Variants in BPIFB6 observed in about 807,000 individuals in gnomAD.
BPIFB6 encodes the protein BPI fold-containing family B member 6.
A neutral mutation model predicts 54.7 loss-of-function variants in BPIFB6; 47 were observed. The ratio of observed to expected loss-of-function variants is 0.86; its 90% confidence interval spans 0.68 to 1.10. BPIFB6 has a LOEUF of 1.10. BPIFB6 is among the 50% of genes least tolerant of loss of function. The probability of loss-of-function intolerance (pLI) is 0.00; values close to 1 mark genes in which losing one functional copy is unlikely to be tolerated. For missense variants in BPIFB6, 603 were observed against 564.1 expected (o/e 1.07, Z -0.70); for synonymous variants, 255 against 225.9 (o/e 1.13, Z -1.16).
chr20:33,036,495 G>C lies in BPIFB6; in HGVS notation c.628G>C (p.Ala210Pro), dbSNP rs145056603. 6.2e-7 allele frequency: 1 copy of C among 1,614,108 alleles called. No homozygotes were observed. The highest frequency in any genetic ancestry group is 8.5e-7 in the Non-Finnish European group (1 of 1,180,010). The change falls in exon 7 of 15, where the codon GCA becomes CCA. Residue 210 changes from alanine (A) to proline (P), a missense_variant. Transcript: ENST00000349552. ...MGTVKYVLMSAPATTASYIQL... is the reference protein window; with the variant it reads ...MGTVKYVLMSPPATTASYIQL... Reference sequence around the variant, plus strand: ...CACCGTCAAATATGTTCTGATGTCCGCACCAGCCACCACAGCCAGCTACAT... The same window carrying C: ...CACCGTCAAATATGTTCTGATGTCCCCACCAGCCACCACAGCCAGCTACAT...
At chr20:33,035,927 T>TTC (rs1290995517) in intron 6 of BPIFB6, among the ~76,000 whole-genome samples, 1 of 152,148 alleles carries the variant, frequency 6.6e-6, no homozygotes, top group Non-Finnish European at 1.5e-5. Context: ...ACAGCAGCCC[T>TTC]TCTTTGCTCG....
At chr20:33,040,827 G>A (rs1195014086) in intron 11 of BPIFB6, among the ~76,000 whole-genome samples, 3 of 152,030 alleles carry the variant, frequency 2.0e-5, no homozygotes, top group East Asian at 1.9e-4. Flanking sequence ...CTTAACATTC[G>A]GTCCCTATTA....
chr20:33,033,480 C>G (rs1168431826), intron 2 of BPIFB6: 3 of 454,066 alleles, frequency 6.6e-6, no homozygotes, highest in Non-Finnish European at 1.3e-5. Context: ...GCCAGTGCCA[C>G]ATGAGATTGA....
In BPIFB6 at chr20:33,043,346, G is replaced by T. The variant is rs757142770; in HGVS notation, c.1308G>T (p.Leu436=). Residue 436 remains leucine (L), a synonymous_variant, in exon 14 of 15, where the codon CTG becomes CTT. Transcript: ENST00000349552. The part of the protein sequence containing the change: ...LPDFLAMNYN[L]AELDIVENAL... ...ACTTTCTGGCCATGAATTACAACCTGGCTGAGCTGGACATAGTAGAGGTGA... is the reference window on the plus strand; with the variant it reads ...ACTTTCTGGCCATGAATTACAACCTTGCTGAGCTGGACATAGTAGAGGTGA... The T allele has an allele frequency of 2.4e-5, 39 of 1,614,080 alleles. No individual in the cohort carries two copies. Among genetic ancestry groups the T allele is most frequent in the Middle Eastern group, 3.3e-4 (2 of 6,084 alleles).
intron 2 of BPIFB6, 131 bp from the exon 3 acceptor site, chr20:33,034,055 T>C: frequency 1.4e-6 from 1 of 728,520 alleles, no homozygotes; most frequent in South Asian, 1.5e-5. Flanking sequence ...CCATGAATCA[T>C]GCTTACCCCC....
chr20:33,041,038 G>A (rs910420556), intron 11 of BPIFB6, among the ~76,000 whole-genome samples: 5 of 145,144 alleles, frequency 3.4e-5, no homozygotes, highest in Non-Finnish European at 7.4e-5. Context: ...TGCCCAGGCT[G>A]GAGTGCAGTG....
chr20:33,043,475 A>T, intron 14 of BPIFB6, 108 bp downstream of exon 14: 1 of 1,031,792 alleles, frequency 9.7e-7, no homozygotes, highest in Non-Finnish European at 1.5e-6. Flanking sequence ...CTGGGAGGGC[A>T]GGTGGCCATC....
chr20:33,042,313 C>G (rs2070320), intron 12 of BPIFB6, among the ~76,000 whole-genome samples: 53,639 of 152,090 alleles, frequency 0.35, 10,386 homozygotes, highest in East Asian at 0.74. Context: ...TTTTATTAGT[C>G]TCTGTAGCCT....
At chr20:33,038,770 A>G (rs1227610761) in intron 8 of BPIFB6, 139 bp from the exon 9 acceptor site, 8 of 829,956 alleles carry the variant, frequency 9.6e-6, no homozygotes, top group Non-Finnish European at 1.4e-5. Context: ...AGAAGGCACA[A>G]TATTTAGTTA....
chr20:33,043,996 C>T lies in BPIFB6; in HGVS notation c.1330-19C>T. 1 of 1,614,158 alleles carries T rather than the reference C, an allele frequency of 6.2e-7. No homozygotes were observed. The highest frequency in any genetic ancestry group is 8.5e-7 in the Non-Finnish European group (1 of 1,180,006). ...GTGGTCCCTGGTCATTGCTCTCCTA[C>T]CCCTTTGCCTTTTGCCAGAATGCCC... On this transcript the variant is annotated intron_variant, in intron 14 of 14. Transcript: ENST00000349552.
intron 7 of BPIFB6, 152 bp from the exon 8 acceptor site, chr20:33,037,410 C>A: frequency 1.3e-6 from 1 of 748,986 alleles, no homozygotes; most frequent in East Asian, 2.7e-5. Context: ...GGAGGTTTGG[C>A]CCACTGTAGC....
chr20:33,033,536 C>T (rs1979194318), intron 2 of BPIFB6: 1 of 456,352 alleles, frequency 2.2e-6, no homozygotes, highest in South Asian at 1.5e-5. Flanking sequence ...GGCTCTGAGG[C>T]ACTGTCTGCA....
At position 33,031,739 on chromosome 20, in the gene BPIFB6, T is replaced by G. The variant is rs1230079656; in HGVS notation, c.92T>G (p.Met31Arg). ...GALLRLGMDIMNQVQSAMDES... is the reference protein window; with the variant it reads ...GALLRLGMDIRNQVQSAMDES... ...CTGCTGCGGTTGGGCATGGACATCA[T>G]GAACCGTGGTGAGCTTGTGGGCCCG... The change falls in exon 1 of 15, where the codon ATG becomes AGG. Residue 31 changes from methionine (M) to arginine (R), a missense_variant. By Grantham distance (91) the Met-to-Arg change is moderately conservative (BLOSUM62 -1). Transcript: ENST00000349552. The G allele has an allele frequency of 3.7e-6, 6 of 1,614,018 alleles. No homozygotes were observed. Among genetic ancestry groups the G allele is most frequent in the Non-Finnish European group, 5.1e-6 (6 of 1,179,936 alleles).
chr20:33,039,087 T>A (rs1979465750), intron 9 of BPIFB6, 125 bp downstream of exon 9: 3 of 1,181,780 alleles, frequency 2.5e-6, no homozygotes, highest in Non-Finnish European at 3.7e-6. Flanking sequence ...TGCTGAAACA[T>A]CTTTTCTTCT....
At chr20:33,037,493 G>A (rs1248409329) in intron 7 of BPIFB6, 69 bp from the exon 8 acceptor site, 1 of 1,477,266 alleles carries the variant, frequency 6.8e-7, no homozygotes, top group Non-Finnish European at 9.1e-7. Context: ...TTTGCTTGGA[G>A]GACTGAGACA....
rs755860027 is a variant in BPIFB6, at chr20:33,043,371, A to G, written c.1329+4A>G. On this transcript the variant is annotated splice_donor_region_variant and intron_variant, in intron 14 of 14. Coordinates refer to ENST00000349552, the MANE Select transcript of BPIFB6 (RefSeq NM_174897.2). Reference sequence around the variant, plus strand: ...GGCTGAGCTGGACATAGTAGAGGTGAGAGGAGGGGCTAGGGGAGGTCATGT... The same window carrying G: ...GGCTGAGCTGGACATAGTAGAGGTGGGAGGAGGGGCTAGGGGAGGTCATGT... 1.9e-6 allele frequency: 3 copies of G among 1,613,890 alleles called. No homozygotes were observed. The highest frequency in any genetic ancestry group is 2.5e-6 in the Non-Finnish European group (3 of 1,179,798).
chr20:33,034,929 C>T lies in BPIFB6; in HGVS notation c.452+17C>T, dbSNP rs770726144. 1.1e-5 allele frequency: 18 copies of T among 1,606,460 alleles called. No homozygotes were observed. The highest frequency in any genetic ancestry group is 1.4e-5 in the Non-Finnish European group (17 of 1,174,190). ...GCCTAGCAAGTGAGGGGCTCTGTGG[C>T]TGGGGAGGAAGGCCGGTCCATATTG... On this transcript the variant is annotated intron_variant, in intron 4 of 14. Coordinates refer to ENST00000349552, the MANE Select transcript of BPIFB6 (RefSeq NM_174897.2).
rs751070760 is a variant in BPIFB6, at chr20:33,034,879, T to A, written c.419T>A (p.Ile140Asn). 6.2e-6 allele frequency: 10 copies of A among 1,612,868 alleles called. No individual in the cohort carries two copies. The South Asian group carries it at 7.7e-5, about 12-fold the overall frequency. The change falls in exon 4 of 15, where the codon ATC becomes AAC. Residue 140 changes from isoleucine (I) to asparagine (N), a missense_variant. Ile to Asn is a moderately radical substitution (Grantham distance 149). Coordinates refer to ENST00000349552, the MANE Select transcript of BPIFB6 (RefSeq NM_174897.2). ...PVFKSEGCEV[I>N]LVNVKTNLPS... ...TTCAAGAGTGAGGGCTGTGAGGTCA[T>A]CCTGGTCAATGTGAAGACTAACCTG... is the stretch of plus-strand genomic sequence containing the variant.
At chr20:33,042,723 G>A (rs1252600717) in intron 12 of BPIFB6, 92 bp from the exon 13 acceptor site, 1 of 1,197,250 alleles carries the variant, frequency 8.4e-7, no homozygotes, top group East Asian at 2.3e-5. Context: ...TCACTTCTGT[G>A]GTCCCCAGGC....
Sources: gnomAD v4.1 joint callset for allele counts (sites outside exome capture counted in the v4.1 genomes callset) on GRCh38, gnomAD v4.1.1 for gene constraint, MANE v1.5 for transcripts, NCBI Gene and HGNC (gene_info 2026-07-23, HGNC 2026-07-21) for gene names.